ANKRD40: variants seen among roughly 807,000 people sequenced by gnomAD.
The protein encoded by ANKRD40 is ankyrin repeat domain-containing protein 40.
ANKRD40 carries 24 observed loss-of-function variants against 35.5 expected under a neutral mutation model. The observed-to-expected ratio is 0.68, with a 90% CI of 0.49 to 0.95. ANKRD40 has a LOEUF of 0.95. Ranked by LOEUF, ANKRD40 falls within the 40% of genes least tolerant of loss-of-function variation. ANKRD40 has a pLI of 0.00. For synonymous variants in ANKRD40, 147 were observed against 173.5 expected (o/e 0.85, Z 1.20); for missense variants, 361 against 436.0 (o/e 0.83, Z 1.53).
chr17:50,702,100 T>C (rs1597868249), intron 1 of ANKRD40, among the ~76,000 whole-genome samples: 1 of 152,166 alleles, frequency 6.6e-6, no homozygotes, highest in African/African-American at 2.4e-5. Context: ...GCTTGGCATG[T>C]ATTAATTAAT....
rs1168386523 is a variant in ANKRD40 at position 50,699,875 on chromosome 17, T to C, written c.302A>G (p.Asp101Gly). The C allele has an allele frequency of 1.3e-6, 2 of 1,510,982 alleles. No homozygotes were observed. Among genetic ancestry groups the C allele is most frequent in the Non-Finnish European group, 1.8e-6 (2 of 1,130,514 alleles). The allele number at this position is 1,510,982 out of a possible 1,614,324, so 93.6% of individuals were successfully genotyped here. ...GGGGAGGTTGTCATCATCATCATCA[T>C]CATCATCTTCTTCTTCCACTTAAAA... ...KIMGVEEEDD[D>G]DDDDDNLPQL... The change falls in exon 3 of 5, where the codon GAT (aspartate) becomes GGT (glycine). Residue 101 changes from aspartate (D) to glycine (G), a missense_variant. Coordinates refer to ENST00000285243, the MANE Select transcript of ANKRD40 (RefSeq NM_052855.4).
At chr17:50,696,756 C>CAG (rs1968204671) in intron 4 of ANKRD40, 184 bp downstream of exon 4, 2 of 315,710 alleles carry the variant, frequency 6.3e-6, no homozygotes, top group African/African-American at 5.3e-5. Flanking sequence ...CTTGACTTGC[C>CAG]AAAAAAAAAA....
At chr17:50,702,639 T>C (rs1047049403) in intron 1 of ANKRD40, among the ~76,000 whole-genome samples, 3 of 152,216 alleles carry the variant, frequency 2.0e-5, no homozygotes, top group Admixed American at 6.5e-5. Context: ...CACTTGCTAG[T>C]AGTAGATCAC....
chr17:50,705,057 T>C (rs1047883587), intron 1 of ANKRD40, among the ~76,000 whole-genome samples: 1 of 139,674 alleles, frequency 7.2e-6, no homozygotes, highest in African/African-American at 2.7e-5. Context: ...GAGCTTGAAG[T>C]GAGCCAAGAT....
At chr17:50,704,280 C>T (rs1056588913) in intron 1 of ANKRD40, among the ~76,000 whole-genome samples, 8 of 151,578 alleles carry the variant, frequency 5.3e-5, no homozygotes, top group South Asian at 2.1e-4. Flanking sequence ...TTTGGGAGGC[C>T]GAGGCGGGCA....
intron 1 of ANKRD40, among the ~76,000 whole-genome samples, chr17:50,701,364 C>T (rs1213812286): frequency 6.6e-6 from 1 of 152,206 alleles, no homozygotes; most frequent in East Asian, 1.9e-4. Context: ...ATGTAAGGCA[C>T]TGCACACATA....
rs1177982986 is a variant in ANKRD40, at chr17:50,694,132, A to AAAAAAAAAAAAAG, written c.*1864_*1865insCTTTTTTTTTTTT. ...GCAACAAAGCAAGACTCCGTCTCAA[A>AAAAAAAAAAAAAG]AAAAAAAAGAAAAGAAACACCAGGG... On this transcript the variant is annotated 3_prime_UTR_variant, in exon 5 of 5. Coordinates refer to ENST00000285243, the MANE Select transcript of ANKRD40 (RefSeq NM_052855.4). 3 of 150,220 alleles carry AAAAAAAAAAAAAG rather than the reference A, an allele frequency of 2.0e-5. No homozygotes were observed. Among genetic ancestry groups the AAAAAAAAAAAAAG allele is most frequent in the Non-Finnish European group, 3.0e-5 (2 of 67,510 alleles). 9.3% of individuals were successfully genotyped at this position (150,220 alleles called of 1,614,324 possible).
At chr17:50,700,270 C>T (rs1358136401) in intron 2 of ANKRD40, 6 of 271,242 alleles carry the variant, frequency 2.2e-5, no homozygotes, top group Non-Finnish European at 3.5e-5. Context: ...ATGGTGAAAC[C>T]CCGTCTCTAC....
chr17:50,696,869 A>G (rs1394201052), intron 4 of ANKRD40, 71 bp downstream of exon 4: 9 of 1,397,542 alleles, frequency 6.4e-6, no homozygotes, highest in Admixed American at 4.7e-5. Context: ...CAACTACCTC[A>G]TATAACCAAG....
At chr17:50,698,246 G>A (rs1968223339) in intron 3 of ANKRD40, among the ~76,000 whole-genome samples, 1 of 151,950 alleles carries the variant, frequency 6.6e-6, no homozygotes, top group Admixed American at 6.6e-5. Flanking sequence ...ACATCTTGCT[G>A]CCCCAGAAAG....
Position 50,707,609 on chromosome 17 carries a change from C to A in ANKRD40, c.46G>T (p.Glu16Ter). ...EQKEQQERLR[E>*]AAALGDIREV... ...CGAATGTCCCCTAAGGCCGCGGCCT[C>A]CCGCAGCCTCTCCTGCTGCTCCTTC... The change falls in exon 1 of 5, where the codon GAG (glutamate) becomes TAG (stop). Residue 16 changes from glutamate (E) to a stop codon, truncating the protein, a stop_gained. Coordinates refer to ENST00000285243, the MANE Select transcript of ANKRD40 (RefSeq NM_052855.4). LOFTEE classifies it high-confidence loss of function. This position sits in a 1 kb window ranked among gnomAD's most constrained non-coding sequence, Gnocchi z 4.8. 2 of 1,602,804 alleles carry A rather than the reference C, an allele frequency of 1.2e-6. No individual in the cohort carries two copies. Among genetic ancestry groups the A allele is most frequent in the Non-Finnish European group, 1.7e-6 (2 of 1,174,948 alleles).
chr17:50,697,582 C>T (rs1382257785), intron 3 of ANKRD40, among the ~76,000 whole-genome samples: 2 of 152,072 alleles, frequency 1.3e-5, no homozygotes, highest in Non-Finnish European at 2.9e-5. Context: ...TATGAAACTC[C>T]TTGCAAAAAA....
At chr17:50,696,830 G>T in intron 4 of ANKRD40, 110 bp downstream of exon 4, 2 of 1,021,542 alleles carry the variant, frequency 2.0e-6, no homozygotes, top group Non-Finnish European at 1.4e-6. Context: ...ATCACTCTTT[G>T]CTCCTTTTCT....
At chr17:50,700,460 A>T in intron 2 of ANKRD40, 108 bp downstream of exon 2, 4 of 806,636 alleles carry the variant, frequency 5.0e-6, no homozygotes, top group Non-Finnish European at 7.0e-6. Context: ...AAAAAAAAAA[A>T]GAAAGAAATA....
At chr17:50,700,207 G>A in intron 2 of ANKRD40, 1 of 270,330 alleles carries the variant, frequency 3.7e-6, no homozygotes. Context: ...ACTTTGGGAG[G>A]CTGAGGCTGG....
At chr17:50,700,849 A>C (rs1968264516) in intron 1 of ANKRD40, 133 bp from the exon 2 acceptor site, 3 of 725,330 alleles carry the variant, frequency 4.1e-6, no homozygotes, top group African/African-American at 1.8e-5. Context: ...TGGTAATCTC[A>C]ACTTTTCACA....
chr17:50,707,585 G>A lies in ANKRD40; in HGVS notation c.70C>T (p.Arg24Trp). 6.2e-7 allele frequency: 1 copy of A among 1,607,804 alleles called. No individual in the cohort carries two copies. The change falls in exon 1 of 5, where the codon CGG becomes TGG. Residue 24 changes from arginine to tryptophan, a missense_variant. Transcript: ENST00000285243. This position sits in a 1 kb window ranked among gnomAD's most constrained non-coding sequence, Gnocchi z 4.8. Reference sequence around the variant, plus strand: ...CTCTCCACCAGTTTCTGCACCTCCCGAATGTCCCCTAAGGCCGCGGCCTCC... The same window carrying A: ...CTCTCCACCAGTTTCTGCACCTCCCAAATGTCCCCTAAGGCCGCGGCCTCC... The part of the protein sequence containing the change: ...LREAAALGDI[R>W]EVQKLVESGV...
At chr17:50,702,151 TC>T (rs1189531327) in intron 1 of ANKRD40, among the ~76,000 whole-genome samples, 6 of 152,176 alleles carry the variant, frequency 3.9e-5, no homozygotes, top group Non-Finnish European at 8.8e-5. Flanking sequence ...ACACCTGTAA[TC>T]CCAGCACTTA....
chr17:50,703,172 G>A (rs1968289850), intron 1 of ANKRD40, among the ~76,000 whole-genome samples: 1 of 152,000 alleles, frequency 6.6e-6, no homozygotes, highest in African/African-American at 2.4e-5. Context: ...TTTTTTTGAG[G>A]GTAACCTTAT....
Sources: allele counts gnomAD v4.1 joint callset (sites outside exome capture counted in the v4.1 genomes callset), GRCh38; gene constraint gnomAD v4.1.1; non-coding constraint Gnocchi (gnomAD v3.1); transcripts MANE v1.5; gene names NCBI Gene and HGNC (gene_info 2026-07-23, HGNC 2026-07-21).